PACSIN2: variants seen among roughly 807,000 people sequenced by gnomAD.
PACSIN2 encodes the protein protein kinase C and casein kinase substrate in neurons protein 2.
A neutral mutation model predicts 63.8 loss-of-function variants in PACSIN2; 25 were observed. The observed-to-expected ratio is 0.39, with a 90% CI of 0.29 to 0.55. The LOEUF (loss-of-function observed/expected upper bound fraction) is 0.55. PACSIN2 is among the 20% of genes least tolerant of loss of function. The pLI, the probability that PACSIN2 is intolerant of heterozygous loss-of-function variation, is 0.62. For missense variants in PACSIN2, 518 were observed against 646.9 expected (o/e 0.80, Z 2.16); for synonymous variants, 255 against 256.2 (o/e 1.00, Z 0.05).
intron 1 of PACSIN2, among the ~76,000 whole-genome samples, chr22:42,958,144 C>T (rs1401383448): frequency 2.6e-5 from 4 of 151,260 alleles, no homozygotes; most frequent in Admixed American, 2.0e-4. Context: ...GATAATAATG[C>T]GAAGAAAGCA....
At chr22:42,987,021 CCTAA>C (rs35969119) in intron 1 of PACSIN2, among the ~76,000 whole-genome samples, 14,707 of 152,084 alleles carry the variant, frequency 0.097, 928 homozygotes, top group Non-Finnish European at 0.14. Flanking sequence ...TGACGCCTTC[CCTAA>C]CTAACACCCC....
At chr22:42,973,853 G>A (rs979966413) in intron 1 of PACSIN2, among the ~76,000 whole-genome samples, 4 of 152,230 alleles carry the variant, frequency 2.6e-5, no homozygotes, top group Admixed American at 6.5e-5. Context: ...GCTAAAAGAG[G>A]AAAAGAGAAA....
intron 1 of PACSIN2, among the ~76,000 whole-genome samples, chr22:42,943,312 T>C (rs2146808592): frequency 6.6e-6 from 1 of 152,344 alleles, no homozygotes; most frequent in Non-Finnish European, 1.5e-5. Flanking sequence ...ATTTTCTTTA[T>C]ATAAGATCAT....
At chr22:42,902,970 G>A (rs1930802537) in intron 2 of PACSIN2, among the ~76,000 whole-genome samples, 1 of 152,184 alleles carries the variant, frequency 6.6e-6, no homozygotes, top group South Asian at 2.1e-4. Context: ...GTAGCTAAAA[G>A]GAATCAACTC....
rs113550941 is a variant in PACSIN2, at chr22:42,966,199, G to A, written c.-78+48822C>T. Among the ~76,000 whole-genome samples the A allele has an allele frequency of 4.3e-3, 647 of 152,100 alleles. 3 individuals are homozygous for A. The highest frequency in any genetic ancestry group is 0.015 in the African/African-American group (611 of 41,510). On this transcript the variant is annotated intron_variant, in intron 1 of 10. Transcript: ENST00000263246. ...ATCTTGGCCAAAATGGTGAAACCCC[G>A]TCTCTTTGAAAAATACAAAAATTAG...
chr22:42,973,266 C>G (rs781435301), intron 1 of PACSIN2, among the ~76,000 whole-genome samples: 8 of 152,196 alleles, frequency 5.3e-5, no homozygotes, highest in Non-Finnish European at 8.8e-5. Flanking sequence ...ATTTCCAGAA[C>G]AGAAGGTTCA....
chr22:42,996,432 T>C (rs975873994), intron 1 of PACSIN2, among the ~76,000 whole-genome samples: 1 of 149,924 alleles, frequency 6.7e-6, no homozygotes, highest in Non-Finnish European at 1.5e-5. Context: ...CTGGGAAGGC[T>C]GAGGCAGGAG....
rs1188530369 is a variant in PACSIN2 at position 42,927,917 on chromosome 22, T to C, written c.-77-15760A>G. Reference sequence around the variant, plus strand: ...CATTTTTAATGGCTGTAAAACGTCATGTCATGGTCCCATACTCCACTGAGC... The same window carrying C: ...CATTTTTAATGGCTGTAAAACGTCACGTCATGGTCCCATACTCCACTGAGC... On this transcript the variant is annotated intron_variant, in intron 1 of 10. Coordinates refer to ENST00000263246, the MANE Select transcript of PACSIN2 (RefSeq NM_001184970.3). 3.9e-5 allele frequency among the ~76,000 whole-genome samples: 6 copies of C among 152,116 alleles called. No individual in the cohort carries two copies. In the East Asian group the frequency reaches 5.8e-4, roughly 15 times the overall value.
At chr22:42,878,102 T>C (rs1928783025) in intron 8 of PACSIN2, among the ~76,000 whole-genome samples, 1 of 152,168 alleles carries the variant, frequency 6.6e-6, no homozygotes, top group Admixed American at 6.5e-5. Flanking sequence ...AGCAGACTGT[T>C]GTGAGACGGC....
At chr22:42,941,339 T>G (rs1430431423) in intron 1 of PACSIN2, among the ~76,000 whole-genome samples, 1 of 152,248 alleles carries the variant, frequency 6.6e-6, no homozygotes, top group Non-Finnish European at 1.5e-5. Context: ...CTATTAATAG[T>G]GCTGCTATTA....
At chr22:42,900,119 G>A (rs1048423408) in intron 2 of PACSIN2, among the ~76,000 whole-genome samples, 1 of 152,018 alleles carries the variant, frequency 6.6e-6, no homozygotes, top group Non-Finnish European at 1.5e-5. Context: ...GCACCAGCGT[G>A]GAGCACCAAC....
chr22:42,884,601 A>G (rs745496342), intron 5 of PACSIN2, 40 bp from the exon 6 acceptor site: 12 of 1,577,412 alleles, frequency 7.6e-6, no homozygotes, highest in Middle Eastern at 1.7e-4. Flanking sequence ...GTTCATTTCC[A>G]TTTAGCCCTT....
At chr22:42,954,801 G>A (rs1933845425) in intron 1 of PACSIN2, among the ~76,000 whole-genome samples, 1 of 152,182 alleles carries the variant, frequency 6.6e-6, no homozygotes, top group African/African-American at 2.4e-5. Flanking sequence ...GGGAATGGGG[G>A]ATGGGGGCAG....
chr22:42,890,004 C>CTTTT (rs573073554), intron 4 of PACSIN2, among the ~76,000 whole-genome samples: 1 of 137,028 alleles, frequency 7.3e-6, no homozygotes, highest in African/African-American at 2.7e-5. Flanking sequence ...GCCAAAGGGA[C>CTTTT]TTTTTTTTTT....
intron 1 of PACSIN2, among the ~76,000 whole-genome samples, chr22:42,937,883 C>T (rs1356404939): frequency 6.6e-6 from 1 of 152,206 alleles, no homozygotes; most frequent in East Asian, 1.9e-4. Context: ...CTGGCTCGAG[C>T]AGTCTGGACC....
In PACSIN2 at chr22:42,871,328, CGTCCCCCCGCTGGCCT is replaced by C; in HGVS notation, c.*13_*28del. 2 of 1,389,458 alleles carry C rather than the reference CGTCCCCCCGCTGGCCT, an allele frequency of 1.4e-6. No homozygotes were observed. Among genetic ancestry groups the C allele is most frequent in the Non-Finnish European group, 2.0e-6 (2 of 988,970 alleles). The allele number at this position is 1,389,458 out of a possible 1,614,324, so 86.1% of individuals were successfully genotyped here. A position where few individuals can be genotyped will look rare whatever the true frequency, so the allele number is the denominator to read the frequency against. On this transcript the variant is annotated 3_prime_UTR_variant, in exon 11 of 11. Transcript: ENST00000263246. This position sits in a 1 kb window ranked among gnomAD's most constrained non-coding sequence, Gnocchi z 5.4. ...CTGAGGCTCCTGGGCCCGCCGCCTC[CGTCCCCCCGCTGGCCT>C]GTCCCCGACTCATCACTGGATCGCC... is the stretch of plus-strand genomic sequence containing the variant.
intron 1 of PACSIN2, among the ~76,000 whole-genome samples, chr22:42,967,346 A>G (rs1920973312): frequency 6.6e-6 from 1 of 152,220 alleles, no homozygotes; most frequent in South Asian, 2.1e-4. Flanking sequence ...TCCTGAGGGC[A>G]GGAAAGGCAG....
chr22:43,013,059 T>A (rs1924609623), intron 1 of PACSIN2, among the ~76,000 whole-genome samples: 1 of 152,188 alleles, frequency 6.6e-6, no homozygotes, highest in South Asian at 2.1e-4. Context: ...TCCCAAGTGC[T>A]GGGATCCCAG....
chr22:42,911,022 A>C (rs934664971), intron 2 of PACSIN2, among the ~76,000 whole-genome samples: 1 of 151,572 alleles, frequency 6.6e-6, no homozygotes, highest in Non-Finnish European at 1.5e-5. Context: ...CTCCTGCCTC[A>C]GCCTCCCAAA....
Sources: gnomAD v4.1 joint callset for allele counts (sites outside exome capture counted in the v4.1 genomes callset) on GRCh38, gnomAD v4.1.1 for gene constraint, Gnocchi (gnomAD v3.1) non-coding constraint, MANE v1.5 for transcripts, NCBI Gene and HGNC (gene_info 2026-07-23, HGNC 2026-07-21) for gene names.